Variants in KALRN observed in about 807,000 individuals in gnomAD.
KALRN encodes the protein kalirin RhoGEF kinase.
In KALRN, 70 loss-of-function variants were observed where a neutral mutation model predicts 353.7. The observed-to-expected ratio is 0.20, with a 90% CI of 0.16 to 0.24. The LOEUF (loss-of-function observed/expected upper bound fraction) is 0.24. Among genes scored for constraint, KALRN ranks in the 10% least tolerant of loss-of-function variants. KALRN has a pLI of 1.00. For missense variants in KALRN, 2,791 were observed against 3,756.7 expected (o/e 0.74, Z 6.72); for synonymous variants, 1,391 against 1,434.8 (o/e 0.97, Z 0.69).
chr3:124,585,245 G>A (rs2075047073), intron 34 of KALRN, among the ~76,000 whole-genome samples: 1 of 152,218 alleles, frequency 6.6e-6, no homozygotes, highest in South Asian at 2.1e-4. Context: ...GCAGAGCCGC[G>A]TGTGTCCCTA....
intron 51 of KALRN, among the ~76,000 whole-genome samples, chr3:124,687,241 A>T (rs1170743075): frequency 6.6e-6 from 1 of 152,092 alleles, no homozygotes; most frequent in Non-Finnish European, 1.5e-5. Flanking sequence ...CTCATACATA[A>T]AGGCATTATC....
rs997142609 is a variant in KALRN at position 124,725,984 on chromosome 3, T to C, written c.*6514T>C. On this transcript the variant is annotated 3_prime_UTR_variant, in exon 60 of 60. Transcript: ENST00000682506. ...TTGATTTAAAATCACTCCACAGTATTGATAAATAGCTCTATATTTTCAAGG... is the reference window on the plus strand; with the variant it reads ...TTGATTTAAAATCACTCCACAGTATCGATAAATAGCTCTATATTTTCAAGG... 6.6e-6 allele frequency: 1 copy of C among 152,230 alleles called. No individual in the cohort carries two copies. The highest frequency in any genetic ancestry group is 2.4e-5 in the African/African-American group (1 of 41,458). 9.4% of individuals were successfully genotyped at this position (152,230 alleles called of 1,614,324 possible). A position where few individuals can be genotyped will look rare whatever the true frequency, so the allele number is the denominator to read the frequency against.
intron 1 of KALRN, among the ~76,000 whole-genome samples, chr3:124,150,228 T>C (rs540010687): frequency 7.2e-5 from 11 of 152,234 alleles, no homozygotes; most frequent in Non-Finnish European, 1.6e-4. Flanking sequence ...TGAACAACTT[T>C]GATGCCCTAA....
At chr3:124,418,276 G>T (rs1368460091) in intron 14 of KALRN, among the ~76,000 whole-genome samples, 1 of 152,168 alleles carries the variant, frequency 6.6e-6, no homozygotes, top group Non-Finnish European at 1.5e-5. Context: ...TCGGTAGATT[G>T]AGAATCACCT....
chr3:124,267,300 A>G (rs1189118916), intron 4 of KALRN, among the ~76,000 whole-genome samples: 1 of 152,228 alleles, frequency 6.6e-6, no homozygotes, highest in Admixed American at 6.5e-5. Context: ...TCTCAAGTTT[A>G]ATGCACACAA....
intron 34 of KALRN, among the ~76,000 whole-genome samples, chr3:124,591,924 A>G (rs13068262): frequency 0.15 from 23,385 of 152,140 alleles, 1,925 homozygotes; most frequent in Middle Eastern, 0.19. Context: ...TTTTTAAAAA[A>G]CTTAATTAGA....
chr3:124,705,510 C>G (rs2150725262), intron 57 of KALRN, among the ~76,000 whole-genome samples: 1 of 152,132 alleles, frequency 6.6e-6, no homozygotes, highest in South Asian at 2.1e-4. Flanking sequence ...CAGAATTACC[C>G]AAAAGCTCAG....
chr3:124,386,853 A>G (rs2088421637), intron 11 of KALRN, among the ~76,000 whole-genome samples: 1 of 152,232 alleles, frequency 6.6e-6, no homozygotes, highest in Non-Finnish European at 1.5e-5. Flanking sequence ...TGCCAGACAC[A>G]TATACCATCT....
chr3:124,243,031 G>A (rs1429389016), intron 3 of KALRN, among the ~76,000 whole-genome samples: 1 of 152,172 alleles, frequency 6.6e-6, no homozygotes, highest in African/African-American at 2.4e-5. Flanking sequence ...CTACATTGGT[G>A]GGGTAGTCTC....
chr3:124,307,395 A>G (rs181263293), intron 6 of KALRN, among the ~76,000 whole-genome samples: 37 of 152,236 alleles, frequency 2.4e-4, no homozygotes, highest in Middle Eastern at 3.4e-3. Flanking sequence ...CAGCTTCTAT[A>G]AAAGACATAA....
chr3:124,655,951 A>G lies in KALRN; in HGVS notation c.5862+284A>G, dbSNP rs1030839488. On this transcript the variant is annotated intron_variant, in intron 39 of 59. Coordinates refer to ENST00000682506, the MANE Select transcript of KALRN (RefSeq NM_001388419.1). Reference sequence around the variant, plus strand: ...CCACTTTGTTTTAGGTGACCAAGCTATTGTCTTAAGAGCTTTTCTTTGATG... The same window carrying G: ...CCACTTTGTTTTAGGTGACCAAGCTGTTGTCTTAAGAGCTTTTCTTTGATG... Among the ~76,000 whole-genome samples the G allele has an allele frequency of 2.0e-5, 3 of 152,114 alleles. No individual in the cohort carries two copies. The East Asian group carries it at 5.8e-4, about 29-fold the overall frequency.
At chr3:124,202,345 G>A (rs533235854) in intron 1 of KALRN, among the ~76,000 whole-genome samples, 2 of 152,206 alleles carry the variant, frequency 1.3e-5, no homozygotes, top group African/African-American at 2.4e-5. Context: ...CAACCTCCCA[G>A]GCTCAAGCGA....
intron 13 of KALRN, among the ~76,000 whole-genome samples, chr3:124,408,029 T>C (rs968060930): frequency 7.2e-5 from 11 of 152,154 alleles, no homozygotes; most frequent in Non-Finnish European, 1.6e-4. Flanking sequence ...CGCCTCAGCC[T>C]CCCAAAGTGC....
chr3:124,629,103 C>T (rs1371638224), intron 34 of KALRN, among the ~76,000 whole-genome samples: 1 of 152,014 alleles, frequency 6.6e-6, no homozygotes, highest in Non-Finnish European at 1.5e-5. Context: ...GTATGCAAAC[C>T]GGCACTGTCA....
At chr3:124,093,642 A>G (rs141067229) in intron 1 of KALRN, among the ~76,000 whole-genome samples, 24 of 152,348 alleles carry the variant, frequency 1.6e-4, no homozygotes, top group African/African-American at 5.8e-4. Context: ...ATGCCCTTGC[A>G]TGTTCATTTG....
At chr3:124,677,412 T>C (rs1195874090) in intron 49 of KALRN, 9 of 346,752 alleles carry the variant, frequency 2.6e-5, no homozygotes, top group Non-Finnish European at 3.9e-5. Context: ...CCAAGACCCT[T>C]TGTGGGAAGA....
chr3:124,477,283 C>G lies in KALRN; in HGVS notation c.4140C>G (p.Asn1380Lys). The change falls in exon 27 of 60, where the codon AAC becomes AAG. Residue 1380 changes from asparagine to lysine, a missense_variant. By Grantham distance (94) the Asn-to-Lys change is moderately conservative. Around this residue, in one of 11 missense-constraint regions of KALRN, gnomAD observed 54 missense variants for 131.7 expected, o/e 0.41. Coordinates refer to ENST00000682506, the MANE Select transcript of KALRN (RefSeq NM_001388419.1). ...KFQMYVTYCK[N>K]KPDSNQLILE... ...AGATGTATGTCACCTACTGTAAAAACAAGCCTGATTCCAACCAGCTTATCC... is the reference window on the plus strand; with the variant it reads ...AGATGTATGTCACCTACTGTAAAAAGAAGCCTGATTCCAACCAGCTTATCC... The G allele has an allele frequency of 6.2e-7, 1 of 1,613,924 alleles. No homozygotes were observed.
chr3:124,496,307 G>A lies in KALRN; in HGVS notation c.4833-4G>A, dbSNP rs1211281074. ...CCCCTGTTTTTTTTCTCTTCTTCCT[G>A]CAGGGATGGAGTGGAGGATATTGAC... is the stretch of plus-strand genomic sequence containing the variant. On this transcript the variant is annotated splice_polypyrimidine_tract_variant and splice_region_variant and intron_variant, in intron 32 of 59. Transcript: ENST00000682506. 2.5e-6 allele frequency: 4 copies of A among 1,590,544 alleles called. No homozygotes were observed. Among genetic ancestry groups the A allele is most frequent in the Non-Finnish European group, 3.4e-6 (4 of 1,163,822 alleles).
chr3:124,585,015 G>C, intron 34 of KALRN: 8 of 1,322,418 alleles, frequency 6.0e-6, no homozygotes, highest in Non-Finnish European at 8.2e-6. Flanking sequence ...TGGGGTAGGC[G>C]GATGGGGCTG....
Sources: allele counts gnomAD v4.1 joint callset (sites outside exome capture counted in the v4.1 genomes callset), GRCh38; gene constraint gnomAD v4.1.1; regional missense constraint gnomAD v4.1.1; transcripts MANE v1.5; gene names NCBI Gene and HGNC (gene_info 2026-07-23, HGNC 2026-07-21).